The following ZDHHC13 variants were observed in gnomAD, a reference collection of about 807,000 sequenced individuals.
ZDHHC13 encodes the protein zDHHC palmitoyltransferase 13.
ZDHHC13 carries 85 observed loss-of-function variants against 86.0 expected under a neutral mutation model. The ratio of observed to expected loss-of-function variants is 0.99; its 90% CI spans 0.83 to 1.18. The LOEUF (loss-of-function observed/expected upper bound fraction) is 1.18. Among genes scored for constraint, ZDHHC13 ranks in the 50% most tolerant of loss-of-function variants. The pLI is 0.00. For missense variants in ZDHHC13, 711 were observed against 730.2 expected, an observed-to-expected ratio of 0.97 and a Z score of 0.30; for synonymous variants, 263 against 246.4, an observed-to-expected ratio of 1.07 and a Z score of -0.63.
At chr11:19,135,834 G>C (rs990739393) in intron 1 of ZDHHC13, among the ~76,000 whole-genome samples, 19 of 152,136 alleles carry the variant, frequency 1.2e-4, no homozygotes, top group African/African-American at 4.6e-4. Flanking sequence ...ACATGGCCGG[G>C]TACTCCAACA....
chr11:19,143,521 T>C (rs889478677), intron 2 of ZDHHC13, among the ~76,000 whole-genome samples: 1 of 152,248 alleles, frequency 6.6e-6, no homozygotes, highest in Non-Finnish European at 1.5e-5. Context: ...AATAGGTAGA[T>C]GGAATGAAAA....
chr11:19,160,710 A>G (rs1321425793), intron 10 of ZDHHC13, among the ~76,000 whole-genome samples: 1 of 151,952 alleles, frequency 6.6e-6, no homozygotes, highest in African/African-American at 2.4e-5. Context: ...CCCCATTTCT[A>G]GGTGACAGGA....
chr11:19,169,405 T>C (rs1227736753), intron 14 of ZDHHC13: 2 of 985,420 alleles, frequency 2.0e-6, no homozygotes, highest in East Asian at 1.1e-4. Flanking sequence ...TGGTTGGGAA[T>C]CAGAGACTTA....
chr11:19,165,266 A>C, intron 13 of ZDHHC13, 121 bp downstream of exon 13: 1 of 858,208 alleles, frequency 1.2e-6, no homozygotes, highest in Non-Finnish European at 1.8e-6. Flanking sequence ...TTCCAATAGC[A>C]ATGGGCCCAT....
rs1174987402 is a variant in ZDHHC13 at position 19,133,769 on chromosome 11, G to C, written c.28-9209G>C. Among the ~76,000 whole-genome samples, 8 of 151,756 alleles carry C rather than the reference G, an allele frequency of 5.3e-5. No homozygotes were observed. The Middle Eastern group carries it at 0.01, about 195-fold the overall frequency. On this transcript the variant is annotated intron_variant, in intron 1 of 16. Coordinates refer to ENST00000446113, the MANE Select transcript of ZDHHC13 (RefSeq NM_019028.3). ...AAAAAGTAATTATAACTGAAGTCAG[G>C]AAACTGTTCTTTTAGTGTGGGGATG...
chr11:19,164,990 G>C lies in ZDHHC13; in HGVS notation c.1297-62G>C, dbSNP rs1850017599. Reference sequence around the variant, plus strand: ...GTGACCTAAAGTTAAAATTTTGCTTGTGATTTGTTACCACTTTGAGACACT... The same window carrying C: ...GTGACCTAAAGTTAAAATTTTGCTTCTGATTTGTTACCACTTTGAGACACT... On this transcript the variant is annotated intron_variant, in intron 12 of 16. Transcript: ENST00000446113. The C allele has an allele frequency of 2.8e-5, 41 of 1,459,904 alleles. 1 individual carries two copies. In the South Asian group the frequency reaches 4.9e-4, roughly 18 times the overall value. 90.4% of individuals were successfully genotyped at this position (1,459,904 alleles called of 1,614,324 possible). A position where few individuals can be genotyped will look rare whatever the true frequency, so the allele number is the denominator to read the frequency against.
At chr11:19,168,919 C>G in intron 14 of ZDHHC13, 1 of 984,946 alleles carries the variant, frequency 1.0e-6, no homozygotes, top group Non-Finnish European at 1.2e-6. Context: ...AGGAAGAACT[C>G]TGTAACTGTC....
Position 19,149,254 on chromosome 11 carries a change from G to C in ZDHHC13, c.442G>C (p.Glu148Gln). 1.2e-6 allele frequency: 2 copies of C among 1,606,386 alleles called. No homozygotes were observed. The highest frequency in any genetic ancestry group is 1.7e-6 in the Non-Finnish European group (2 of 1,175,680). Residue 148 changes from glutamate to glutamine, a missense_variant, in exon 5 of 17, where the codon GAG (glutamate) becomes CAG (glutamine). Physicochemically the swap from Glu to Gln is conservative, Grantham distance 29. Transcript: ENST00000446113. ...TGCAGACCCCACTCTTATTGATGGAGAGGGATTCAGCAGCATCCACCTGGC... is the reference window on the plus strand; with the variant it reads ...TGCAGACCCCACTCTTATTGATGGACAGGGATTCAGCAGCATCCACCTGGC... Reference protein sequence around the residue: ...HGADPTLIDGEGFSSIHLAVL... With the variant: ...HGADPTLIDGQGFSSIHLAVL...
At chr11:19,147,278 T>C (rs1017946596) in intron 3 of ZDHHC13, among the ~76,000 whole-genome samples, 3 of 152,166 alleles carry the variant, frequency 2.0e-5, no homozygotes, top group African/African-American at 7.2e-5. Flanking sequence ...CTAAACCTTT[T>C]GAATATAAAC....
At chr11:19,147,955 A>C (rs1009471419) in intron 4 of ZDHHC13, among the ~76,000 whole-genome samples, 1 of 152,188 alleles carries the variant, frequency 6.6e-6, no homozygotes, top group African/African-American at 2.4e-5. Flanking sequence ...ATAGTAGTTC[A>C]GTGAAGTGCA....
chr11:19,121,849 A>G (rs1848765610), intron 1 of ZDHHC13, among the ~76,000 whole-genome samples: 1 of 152,154 alleles, frequency 6.6e-6, no homozygotes, highest in Non-Finnish European at 1.5e-5. Flanking sequence ...CGTAGAAATG[A>G]GCCAAAAATA....
At chr11:19,121,248 T>A (rs1389700390) in intron 1 of ZDHHC13, among the ~76,000 whole-genome samples, 1 of 152,178 alleles carries the variant, frequency 6.6e-6, no homozygotes, top group Admixed American at 6.5e-5. Context: ...AGTCAGGTGG[T>A]CCAGTCATGA....
At chr11:19,147,125 A>G (rs905240431) in intron 3 of ZDHHC13, among the ~76,000 whole-genome samples, 1 of 152,164 alleles carries the variant, frequency 6.6e-6, no homozygotes, top group African/African-American at 2.4e-5. Flanking sequence ...CAAAATGTCT[A>G]ACTTTTCCAA....
Position 19,140,469 on chromosome 11 carries a change from G to A in ZDHHC13, c.28-2509G>A, listed in dbSNP as rs1184714277. Among the ~76,000 whole-genome samples the A allele has an allele frequency of 3.3e-5, 5 of 152,198 alleles. No individual in the cohort carries two copies. In the South Asian group the frequency reaches 8.3e-4, roughly 25 times the overall value. ...AGGAACACTTTTCAACTTTTGGTGGGACTGTAAACTAGTTCAACCATTGTG... is the reference window on the plus strand; with the variant it reads ...AGGAACACTTTTCAACTTTTGGTGGAACTGTAAACTAGTTCAACCATTGTG... On this transcript the variant is annotated intron_variant, in intron 1 of 16. Coordinates refer to ENST00000446113, the MANE Select transcript of ZDHHC13 (RefSeq NM_019028.3).
intron 1 of ZDHHC13, among the ~76,000 whole-genome samples, chr11:19,136,756 G>A (rs1223131916): frequency 6.6e-6 from 1 of 151,956 alleles, no homozygotes; most frequent in Non-Finnish European, 1.5e-5. Context: ...GATAGTGGGG[G>A]CCAATATTCA....
At chr11:19,134,795 A>G (rs895134727) in intron 1 of ZDHHC13, among the ~76,000 whole-genome samples, 1 of 152,186 alleles carries the variant, frequency 6.6e-6, no homozygotes, top group African/African-American at 2.4e-5. Flanking sequence ...ACCATGGCAC[A>G]TGTATACCTA....
At chr11:19,142,008 T>G (rs1849334128) in intron 1 of ZDHHC13, among the ~76,000 whole-genome samples, 1 of 152,126 alleles carries the variant, frequency 6.6e-6, no homozygotes, top group South Asian at 2.1e-4. Flanking sequence ...GCACTATGCT[T>G]TAACCAACTG....
chr11:19,151,077 T>G (rs1849595896), intron 6 of ZDHHC13, among the ~76,000 whole-genome samples: 1 of 152,076 alleles, frequency 6.6e-6, no homozygotes, highest in African/African-American at 2.4e-5. Flanking sequence ...ATATACTTGT[T>G]AACATGACTT....
intron 6 of ZDHHC13, among the ~76,000 whole-genome samples, 162 bp from the exon 7 acceptor site, chr11:19,151,996 T>C (rs961423102): frequency 3.9e-5 from 6 of 152,130 alleles, no homozygotes; most frequent in African/African-American, 1.4e-4. Context: ...TAATCTCCTA[T>C]TAGTACCTAG....
Sources: allele counts gnomAD v4.1 joint callset (sites outside exome capture counted in the v4.1 genomes callset), GRCh38; gene constraint gnomAD v4.1.1; transcripts MANE v1.5; gene names NCBI Gene and HGNC (gene_info 2026-07-23, HGNC 2026-07-21).